The following RAB23 variants were observed in gnomAD, a reference collection of about 807,000 sequenced individuals.
RAB23 encodes the protein ras-related protein Rab-23.
RAB23 carries 15 observed loss-of-function variants against 30.0 expected under a neutral mutation model. The observed-to-expected ratio is 0.50, with a 90% CI of 0.33 to 0.77. The LOEUF (loss-of-function observed/expected upper bound fraction) is 0.77, where lower values mean the gene tolerates loss of function less well. Ranked by LOEUF, RAB23 falls within the 30% of genes least tolerant of loss-of-function variation. The pLI, the probability that RAB23 is intolerant of heterozygous loss-of-function variation, is 0.02. For missense variants in RAB23, 243 were observed against 275.4 expected, an observed-to-expected ratio of 0.88 and a Z score of 0.83; for synonymous variants, 93 against 94.0, an observed-to-expected ratio of 0.99 and a Z score of 0.06.
chr6:57,191,606 C>T (rs1277117216), intron 6 of RAB23, among the ~76,000 whole-genome samples: 9 of 151,738 alleles, frequency 5.9e-5, no homozygotes, highest in East Asian at 3.9e-4. Flanking sequence ...CCTGCCGCCA[C>T]GCCCGGCTAA....
chr6:57,191,805 A>G (rs182348236), intron 6 of RAB23, among the ~76,000 whole-genome samples: 71 of 152,108 alleles, frequency 4.7e-4, no homozygotes, highest in African/African-American at 1.6e-3. Flanking sequence ...CCTCAAGAAT[A>G]CCTTTTAGTT....
In RAB23 at chr6:57,202,255, T is replaced by C. The variant is rs1243281530; in HGVS notation, c.241+5373A>G. Among the ~76,000 whole-genome samples, 3 of 152,224 alleles carry C rather than the reference T, an allele frequency of 2.0e-5. No homozygotes were observed. In the East Asian group the frequency reaches 5.8e-4, roughly 29 times the overall value. On this transcript the variant is annotated intron_variant, in intron 3 of 6. Transcript: ENST00000468148. The stretch of plus-strand genomic sequence containing the variant: ...ATTTCATCACTATCTAAATCTGTAC[T>C]AGCAGCAGATATTGTCTGATTGCCT...
intron 1 of RAB23, among the ~76,000 whole-genome samples, chr6:57,220,703 G>A (rs996536135): frequency 1.4e-4 from 21 of 152,116 alleles, no homozygotes; most frequent in Non-Finnish European, 1.5e-5. Context: ...AATTGCCAGG[G>A]GTAAGGAGTA....
chr6:57,212,972 C>T (rs1184447107), intron 1 of RAB23, among the ~76,000 whole-genome samples: 1 of 151,916 alleles, frequency 6.6e-6, no homozygotes, highest in African/African-American at 2.4e-5. Flanking sequence ...GGCAGTGGTT[C>T]CCAACCATTT....
At chr6:57,207,797 T>C (rs1765503566) in intron 2 of RAB23, 84 bp from the exon 3 acceptor site, 1 of 932,458 alleles carries the variant, frequency 1.1e-6, no homozygotes, top group Non-Finnish European at 1.7e-6. Context: ...CATTTTCAAA[T>C]CCAAAGATAT....
intron 1 of RAB23, among the ~76,000 whole-genome samples, chr6:57,219,747 C>G (rs1486894423): frequency 1.3e-5 from 2 of 152,188 alleles, no homozygotes; most frequent in Non-Finnish European, 2.9e-5. Context: ...GACGGAACAA[C>G]TGGACATCCA....
Position 57,187,281 on chromosome 6 carries a change from T to C in RAB23, c.*3180A>G, listed in dbSNP as rs979166475. ...AAAATAATAATAATAAAGATTATTA[T>C]AGCCAAATCATCCAGTTAGCCAGGA... On this transcript the variant is annotated 3_prime_UTR_variant, in exon 7 of 7. Transcript: ENST00000468148. 1.3e-5 allele frequency: 2 copies of C among 152,196 alleles called. No homozygotes were observed. The highest frequency in any genetic ancestry group is 2.9e-5 in the Non-Finnish European group (2 of 68,040). 9.4% of individuals were successfully genotyped at this position (152,196 alleles called of 1,614,324 possible).
intron 3 of RAB23, among the ~76,000 whole-genome samples, chr6:57,202,245 A>C (rs1451273560): frequency 6.6e-6 from 1 of 152,152 alleles, no homozygotes; most frequent in African/African-American, 2.4e-5. Flanking sequence ...ATCACTATCT[A>C]AATCTGTACT....
chr6:57,200,056 TTGAC>T (rs1440099890), intron 3 of RAB23, among the ~76,000 whole-genome samples: 4 of 152,108 alleles, frequency 2.6e-5, no homozygotes, highest in African/African-American at 7.2e-5. Flanking sequence ...AAAAAAAACT[TTGAC>T]TGAGGTACCA....
At chr6:57,202,870 G>C (rs1765315896) in intron 3 of RAB23, among the ~76,000 whole-genome samples, 1 of 151,784 alleles carries the variant, frequency 6.6e-6, no homozygotes, top group African/African-American at 2.4e-5. Flanking sequence ...AATTCATATT[G>C]TATTGTGATA....
chr6:57,212,737 A>C (rs1335091543), intron 1 of RAB23, among the ~76,000 whole-genome samples: 4 of 151,028 alleles, frequency 2.6e-5, no homozygotes, highest in Admixed American at 2.0e-4. Flanking sequence ...AAAAAAAAAA[A>C]TTGGCCAGGC....
Position 57,187,543 on chromosome 6 carries a change from A to ATGAT in RAB23, c.*2914_*2917dup, listed in dbSNP as rs1210914359. 8 of 152,322 alleles carry ATGAT rather than the reference A, an allele frequency of 5.3e-5. No homozygotes were observed. Among genetic ancestry groups the ATGAT allele is most frequent in the Admixed American group, 3.9e-4 (6 of 15,306 alleles). 9.4% of individuals were successfully genotyped at this position (152,322 alleles called of 1,614,324 possible). A position where few individuals can be genotyped will look rare whatever the true frequency, so the allele number is the denominator to read the frequency against. The stretch of plus-strand genomic sequence containing the variant: ...ATTTTGTTTTCAGAGAAACAGACTA[A>ATGAT]TGATAGATTAATGGGAACATTTTAT... On this transcript the variant is annotated 3_prime_UTR_variant, in exon 7 of 7. Transcript: ENST00000468148.
At chr6:57,212,396 C>T (rs1231763419) in intron 1 of RAB23, among the ~76,000 whole-genome samples, 1 of 152,188 alleles carries the variant, frequency 6.6e-6, no homozygotes, top group African/African-American at 2.4e-5. Flanking sequence ...AGCATTGCAG[C>T]CTCTTTATCC....
At chr6:57,200,032 T>C (rs1237033106) in intron 3 of RAB23, among the ~76,000 whole-genome samples, 7 of 152,026 alleles carry the variant, frequency 4.6e-5, no homozygotes, top group South Asian at 2.1e-4. Flanking sequence ...CCCCTTACCC[T>C]CCACCCTTTT....
At chr6:57,212,088 G>T (rs770521747) in intron 1 of RAB23, among the ~76,000 whole-genome samples, 5 of 152,172 alleles carry the variant, frequency 3.3e-5, no homozygotes, top group Non-Finnish European at 5.9e-5. Flanking sequence ...TTGGAATCTG[G>T]TTTATAAAAC....
rs1051478514 is a variant in RAB23 at position 57,212,963 on chromosome 6, G to A, written c.-65-2518C>T. Among the ~76,000 whole-genome samples, 43 of 152,024 alleles carry A rather than the reference G, an allele frequency of 2.8e-4. 1 individual carries two copies. The highest frequency in any genetic ancestry group is 2.9e-5 in the Non-Finnish European group (2 of 68,006). ...TGAGTATACGATCAGATGGTCTAGG[G>A]CAGTGGTTCCCAACCATTTTGGCAC... On this transcript the variant is annotated intron_variant, in intron 1 of 6. Transcript: ENST00000468148.
intron 3 of RAB23, among the ~76,000 whole-genome samples, chr6:57,199,642 C>A (rs562303121): frequency 6.6e-6 from 1 of 152,004 alleles, no homozygotes; most frequent in Admixed American, 6.6e-5. Flanking sequence ...GAAATAAGAT[C>A]GCAAAAATAA....
chr6:57,204,900 A>G lies in RAB23; in HGVS notation c.241+2728T>C, dbSNP rs1399882458. On this transcript the variant is annotated intron_variant, in intron 3 of 6. Coordinates refer to ENST00000468148, the MANE Select transcript of RAB23 (RefSeq NM_016277.5). ...TAGATCCTACTTTCCTGGGGCTTCT[A>G]GTTCAGAGAGCAAATACCTTTAAGT... Among the ~76,000 whole-genome samples the G allele has an allele frequency of 6.6e-5, 10 of 152,162 alleles. No individual in the cohort carries two copies. In the East Asian group the frequency reaches 1.9e-3, roughly 29 times the overall value.
At chr6:57,221,584 G>A (rs1305708154) in intron 1 of RAB23, 142 bp downstream of exon 1, 1 of 152,424 alleles carries the variant, frequency 6.6e-6, no homozygotes, top group Admixed American at 6.5e-5. Flanking sequence ...GCCCTTACTG[G>A]TGTCTGGCCC....
Sources: allele counts gnomAD v4.1 joint callset (sites outside exome capture counted in the v4.1 genomes callset), GRCh38; gene constraint gnomAD v4.1.1; transcripts MANE v1.5; gene names NCBI Gene and HGNC (gene_info 2026-07-23, HGNC 2026-07-21).